DOCK3: variants seen among roughly 807,000 people sequenced by gnomAD.
DOCK3 encodes dedicator of cytokinesis 3.
Under a neutral mutation model 265.6 loss-of-function variants are expected in DOCK3, and 60 were observed. The observed-to-expected ratio is 0.23, with a 90% CI of 0.18 to 0.28. The LOEUF (loss-of-function observed/expected upper bound fraction) is 0.28. Ranked by LOEUF, DOCK3 falls within the 10% of genes least tolerant of loss-of-function variation. The pLI, the probability that DOCK3 is intolerant of heterozygous loss-of-function variation, is 1.00. For missense variants in DOCK3, 1,981 were observed against 2,594.3 expected (o/e 0.76, Z 5.14); for synonymous variants, 881 against 938.0 (o/e 0.94, Z 1.11).
At chr3:50,918,547 A>G (rs2050259286) in intron 4 of DOCK3, among the ~76,000 whole-genome samples, 1 of 152,128 alleles carries the variant, frequency 6.6e-6, no homozygotes, top group Non-Finnish European at 1.5e-5. Context: ...TGTTGACTGC[A>G]TAAATGTCTT....
intron 12 of DOCK3, among the ~76,000 whole-genome samples, chr3:51,169,667 CT>C (rs1486889801): frequency 6.6e-6 from 1 of 151,722 alleles, no homozygotes; most frequent in Non-Finnish European, 1.5e-5. Context: ...ATGAAATAAT[CT>C]GTACAGCCAA....
intron 5 of DOCK3, among the ~76,000 whole-genome samples, chr3:51,039,905 T>A (rs868088646): frequency 1.1e-5 from 1 of 93,080 alleles, no homozygotes; most frequent in Non-Finnish European, 2.2e-5. Flanking sequence ...TTTTTTTTTT[T>A]AACATATAAG....
chr3:51,360,371 T>A (rs2086645731), intron 46 of DOCK3, 140 bp from the exon 47 acceptor site: 4 of 1,125,738 alleles, frequency 3.6e-6, no homozygotes, highest in Non-Finnish European at 3.7e-6. Context: ...CCAAAGGAAG[T>A]CAGCAGTTCA....
chr3:50,689,894 G>C (rs1042801532), intron 1 of DOCK3, among the ~76,000 whole-genome samples: 5 of 152,090 alleles, frequency 3.3e-5, no homozygotes, highest in Non-Finnish European at 7.4e-5. Context: ...TAGGTGACTT[G>C]GAAATATTTC....
intron 32 of DOCK3, among the ~76,000 whole-genome samples, chr3:51,324,682 G>A (rs1204368080): frequency 1.3e-5 from 2 of 152,166 alleles, no homozygotes; most frequent in African/African-American, 4.8e-5. Context: ...CAAGGCTACG[G>A]TAACCAAAAC....
At chr3:50,911,531 C>T (rs1005001257) in intron 4 of DOCK3, among the ~76,000 whole-genome samples, 1 of 151,986 alleles carries the variant, frequency 6.6e-6, no homozygotes, top group South Asian at 2.1e-4. Context: ...TTTTTGATGC[C>T]AGTACCATGT....
chr3:51,380,684 G>C (rs1026496777), intron 52 of DOCK3, among the ~76,000 whole-genome samples: 1 of 152,212 alleles, frequency 6.6e-6, no homozygotes, highest in African/African-American at 2.4e-5. Flanking sequence ...TTTAGCAGCA[G>C]AATACATTCC....
intron 1 of DOCK3, among the ~76,000 whole-genome samples, chr3:50,729,359 T>TATTG (rs1409060834): frequency 6.8e-6 from 1 of 146,504 alleles, no homozygotes; most frequent in Non-Finnish European, 1.5e-5. Flanking sequence ...ATTTTTATTT[T>TATTG]ATTTATTTAT....
At position 50,739,292 on chromosome 3, in the gene DOCK3, A is replaced by G. The variant is rs541950613; in HGVS notation, c.38-39383A>G. On this transcript the variant is annotated intron_variant, in intron 1 of 52. Coordinates refer to ENST00000266037, the MANE Select transcript of DOCK3 (RefSeq NM_004947.5). ...TCGTTAGGTTGAAATCAGTCTACTAATGTATCTTCCCCTTCCTTAACTGTG... is the reference window on the plus strand; with the variant it reads ...TCGTTAGGTTGAAATCAGTCTACTAGTGTATCTTCCCCTTCCTTAACTGTG... Among the ~76,000 whole-genome samples, 14 of 152,174 alleles carry G rather than the reference A, an allele frequency of 9.2e-5. No homozygotes were observed. The South Asian group carries it at 2.7e-3, about 29-fold the overall frequency.
intron 38 of DOCK3, among the ~76,000 whole-genome samples, chr3:51,342,194 G>A (rs574801005): frequency 9.4e-4 from 143 of 152,306 alleles, no homozygotes; most frequent in African/African-American, 3.3e-3. Context: ...AACATTAATG[G>A]CTTTTGTCTA....
chr3:50,782,289 A>ATTTTTTTT (rs71084112), intron 2 of DOCK3, among the ~76,000 whole-genome samples: 3,190 of 109,856 alleles, frequency 0.029, 400 homozygotes, highest in East Asian at 0.23. Context: ...AGTACCTGTT[A>ATTTTTTTT]TTTTTTTTTT....
chr3:50,775,280 A>C (rs2041518928), intron 1 of DOCK3, among the ~76,000 whole-genome samples: 1 of 152,014 alleles, frequency 6.6e-6, no homozygotes, highest in African/African-American at 2.4e-5. Context: ...TTTTAATTAC[A>C]GATTAACTTT....
intron 12 of DOCK3, among the ~76,000 whole-genome samples, chr3:51,181,592 G>A (rs184941681): frequency 1.8e-4 from 28 of 151,936 alleles, no homozygotes; most frequent in Admixed American, 2.6e-4. Context: ...ATTCAGAAAG[G>A]CATAATAGCC....
intron 13 of DOCK3, among the ~76,000 whole-genome samples, chr3:51,210,386 T>G (rs1366828591): frequency 6.6e-6 from 1 of 152,158 alleles, no homozygotes; most frequent in African/African-American, 2.4e-5. Context: ...TAGTGAGAGG[T>G]GGTCTCTGTG....
intron 5 of DOCK3, among the ~76,000 whole-genome samples, chr3:51,016,555 ATCATATATTATATATATATTTATAT>A (rs1559944137): frequency 6.5e-3 from 12 of 1,854 alleles, no homozygotes; most frequent in Admixed American, 0.023. Flanking sequence ...ATTTATATAT[ATCATATATTATATATATATTTATAT>A]ATATCATATA....
chr3:50,745,413 A>G (rs1420523639), intron 1 of DOCK3, among the ~76,000 whole-genome samples: 1 of 152,232 alleles, frequency 6.6e-6, no homozygotes, highest in African/African-American at 2.4e-5. Context: ...TATTTTAACA[A>G]TAAGTCTTCC....
chr3:51,015,701 A>G (rs1434576764), intron 5 of DOCK3, among the ~76,000 whole-genome samples: 6 of 119,774 alleles, frequency 5.0e-5, no homozygotes, highest in African/African-American at 1.6e-4. Flanking sequence ...TAGGATTGGC[A>G]TTTGATTAGG....
chr3:51,086,680 C>T (rs769111857), intron 7 of DOCK3, among the ~76,000 whole-genome samples: 1 of 152,164 alleles, frequency 6.6e-6, no homozygotes, highest in African/African-American at 2.4e-5. Flanking sequence ...TATCTGTAAT[C>T]CCAGCTACTC....
intron 12 of DOCK3, among the ~76,000 whole-genome samples, chr3:51,185,115 A>C (rs1421572238): frequency 6.6e-6 from 1 of 152,216 alleles, no homozygotes; most frequent in Non-Finnish European, 1.5e-5. Flanking sequence ...TCAATGTAAT[A>C]TGGTACCTGG....
Sources: gnomAD v4.1 joint callset for allele counts (sites outside exome capture counted in the v4.1 genomes callset) on GRCh38, gnomAD v4.1.1 for gene constraint, MANE v1.5 for transcripts, NCBI Gene and HGNC (gene_info 2026-07-23, HGNC 2026-07-21) for gene names.